The following ATP8B4 variants were observed in gnomAD, a reference collection of about 807,000 sequenced individuals.
ATP8B4 encodes the protein ATPase phospholipid transporting 8B4 (putative).
A neutral mutation model predicts 145.6 loss-of-function variants in ATP8B4; 133 were observed. The observed-to-expected ratio is 0.91, with a 90% CI of 0.79 to 1.05. The LOEUF (loss-of-function observed/expected upper bound fraction) is 1.05, where lower values mean the gene tolerates loss of function less well. Ranked by LOEUF, ATP8B4 falls within the 50% of genes least tolerant of loss-of-function variation. ATP8B4 has a pLI of 0.00. For synonymous variants in ATP8B4, 507 were observed against 492.9 expected, an observed-to-expected ratio of 1.03 and a Z score of -0.38; for missense variants, 1,458 against 1,425.2, an observed-to-expected ratio of 1.02 and a Z score of -0.37.
At chr15:50,087,931 C>T (rs1341093628) in intron 2 of ATP8B4, among the ~76,000 whole-genome samples, 1 of 152,102 alleles carries the variant, frequency 6.6e-6, no homozygotes, top group African/African-American at 2.4e-5. Flanking sequence ...AAGGCACATT[C>T]AGCAAAATGA....
At chr15:50,054,524 C>T (rs111511606) in intron 3 of ATP8B4, among the ~76,000 whole-genome samples, 11,336 of 152,118 alleles carry the variant, frequency 0.075, 519 homozygotes, top group African/African-American at 0.11. Flanking sequence ...TGGCTCACGC[C>T]GGTAATCCCA....
At chr15:50,139,356 T>C (rs1411331099) in intron 1 of ATP8B4, among the ~76,000 whole-genome samples, 1 of 151,818 alleles carries the variant, frequency 6.6e-6, no homozygotes, top group Non-Finnish European at 1.5e-5. Context: ...AAACACCGCA[T>C]GTTCTCACTC....
chr15:49,950,590 T>TAAAAAAAAA (rs766902500), intron 14 of ATP8B4, among the ~76,000 whole-genome samples: 4 of 46,290 alleles, frequency 8.6e-5, no homozygotes, highest in African/African-American at 1.1e-4. Context: ...ATGTATTAAC[T>TAAAAAAAAA]AAAAAAAAAA....
At chr15:49,947,069 T>C (rs1368409627) in intron 14 of ATP8B4, among the ~76,000 whole-genome samples, 2 of 152,212 alleles carry the variant, frequency 1.3e-5, no homozygotes, top group Non-Finnish European at 2.9e-5. Context: ...GGGTTGTTGC[T>C]AGCTGCTCTG....
chr15:50,078,390 A>T (rs1168244219), intron 2 of ATP8B4, among the ~76,000 whole-genome samples: 1 of 152,108 alleles, frequency 6.6e-6, no homozygotes, highest in East Asian at 1.9e-4. Flanking sequence ...AAACAAGAAC[A>T]AGCTAATATA....
chr15:49,971,880 A>G (rs1348746559), intron 13 of ATP8B4, among the ~76,000 whole-genome samples: 1 of 152,230 alleles, frequency 6.6e-6, no homozygotes, highest in Non-Finnish European at 1.5e-5. Flanking sequence ...CCAAATGCCC[A>G]TCAGTGATAG....
At chr15:49,875,561 G>A (rs1475269420) in intron 25 of ATP8B4, among the ~76,000 whole-genome samples, 1 of 152,200 alleles carries the variant, frequency 6.6e-6, no homozygotes, top group Non-Finnish European at 1.5e-5. Flanking sequence ...CTAACTATGT[G>A]CGGTGATGCA....
chr15:50,029,162 G>A (rs931448281), intron 6 of ATP8B4, among the ~76,000 whole-genome samples: 1 of 148,734 alleles, frequency 6.7e-6, no homozygotes, highest in African/African-American at 2.5e-5. Flanking sequence ...GAATCCAGGA[G>A]GTGGAGGTTG....
intron 7 of ATP8B4, 53 bp from the exon 8 acceptor site, chr15:50,002,276 A>G (rs2047956346): frequency 2.1e-6 from 3 of 1,416,544 alleles, no homozygotes; most frequent in Non-Finnish European, 2.0e-6. Context: ...ATTGGTTGAA[A>G]GTCTTCTACA....
intron 13 of ATP8B4, among the ~76,000 whole-genome samples, chr15:49,971,407 C>T (rs1254364389): frequency 6.6e-6 from 1 of 152,124 alleles, no homozygotes; most frequent in Non-Finnish European, 1.5e-5. Context: ...CTACAAAGAA[C>T]TTAAACAAAT....
Position 49,942,782 on chromosome 15 carries a change from G to A in ATP8B4, c.1288-8600C>T, listed in dbSNP as rs150092904. Among the ~76,000 whole-genome samples, 1,469 of 151,822 alleles carry A rather than the reference G, an allele frequency of 9.7e-3. 13 individuals carry two copies. Among genetic ancestry groups the A allele is most frequent in the Non-Finnish European group, 0.013 (897 of 67,934 alleles). ...AGAGCTTGCAGTGAGCCGAGATCGC[G>A]CCACTGCACTCCAGCCTGGGTGACA... On this transcript the variant is annotated intron_variant, in intron 14 of 27. Coordinates refer to ENST00000284509, the MANE Select transcript of ATP8B4 (RefSeq NM_024837.4).
chr15:49,979,265 G>C (rs1021409309), intron 12 of ATP8B4, among the ~76,000 whole-genome samples: 2 of 152,112 alleles, frequency 1.3e-5, no homozygotes, highest in African/African-American at 4.8e-5. Flanking sequence ...TAGTGGCAAA[G>C]AGGCACCCTC....
intron 1 of ATP8B4, among the ~76,000 whole-genome samples, chr15:50,124,299 A>G (rs1209129630): frequency 1.3e-5 from 2 of 152,160 alleles, no homozygotes; most frequent in Admixed American, 1.3e-4. Flanking sequence ...TTTATGAAAT[A>G]AAGGAGGTTT....
chr15:50,175,643 A>G (rs950065721), intron 1 of ATP8B4, among the ~76,000 whole-genome samples: 2 of 152,220 alleles, frequency 1.3e-5, no homozygotes, highest in Non-Finnish European at 2.9e-5. Flanking sequence ...CAAAACTTCA[A>G]TGTGATACCA....
At chr15:50,021,555 G>T (rs1156833985) in intron 6 of ATP8B4, among the ~76,000 whole-genome samples, 1 of 152,042 alleles carries the variant, frequency 6.6e-6, no homozygotes, top group Non-Finnish European at 1.5e-5. Flanking sequence ...GGCATGGCTA[G>T]CTGCCTCTCA....
intron 12 of ATP8B4, among the ~76,000 whole-genome samples, chr15:49,975,066 T>C (rs1217267415): frequency 2.6e-5 from 4 of 152,204 alleles, no homozygotes; most frequent in African/African-American, 9.6e-5. Flanking sequence ...AGAATCAATG[T>C]ATCCATCTAA....
At chr15:50,103,518 T>C (rs1600400127) in intron 2 of ATP8B4, among the ~76,000 whole-genome samples, 1 of 152,176 alleles carries the variant, frequency 6.6e-6, no homozygotes, top group East Asian at 1.9e-4. Context: ...TACTTAGGAA[T>C]ATACTTAACC....
At chr15:49,987,100 G>T (rs182475201) in intron 10 of ATP8B4, among the ~76,000 whole-genome samples, 37 of 152,258 alleles carry the variant, frequency 2.4e-4, no homozygotes, top group African/African-American at 8.9e-4. Flanking sequence ...TTAAGATGGG[G>T]TTAATGAAGA....
In ATP8B4 at chr15:50,087,922, A is replaced by G. The variant is rs377592766; in HGVS notation, c.29-13737T>C. On this transcript the variant is annotated intron_variant, in intron 2 of 27. Coordinates refer to ENST00000284509, the MANE Select transcript of ATP8B4 (RefSeq NM_024837.4). ...AATAAATAAATAAAACATTTTATAA[A>G]GGCACATTCAGCAAAATGAAGACAC... Among the ~76,000 whole-genome samples, 33 of 152,328 alleles carry G rather than the reference A, an allele frequency of 2.2e-4. No homozygotes were observed. In the South Asian group the frequency reaches 5.0e-3, roughly 23 times the overall value.
Sources: gnomAD v4.1 joint callset for allele counts (sites outside exome capture counted in the v4.1 genomes callset) on GRCh38, gnomAD v4.1.1 for gene constraint, MANE v1.5 for transcripts, NCBI Gene and HGNC (gene_info 2026-07-23, HGNC 2026-07-21) for gene names.